CARM1: variants seen among roughly 807,000 people sequenced by gnomAD.
CARM1 encodes histone-arginine methyltransferase CARM1.
A neutral mutation model predicts 72.7 loss-of-function variants in CARM1; 14 were observed. The observed-to-expected ratio is 0.19, with a 90% CI of 0.13 to 0.30. CARM1 has a LOEUF of 0.30. Among genes scored for constraint, CARM1 ranks in the 10% least tolerant of loss-of-function variants. The probability of loss-of-function intolerance (pLI) is 1.00; values close to 1 mark genes in which losing one functional copy is unlikely to be tolerated. For missense variants in CARM1, 432 were observed against 833.7 expected, an observed-to-expected ratio of 0.52 and a Z score of 5.93; for synonymous variants, 333 against 345.5, an observed-to-expected ratio of 0.96 and a Z score of 0.40.
Position 10,908,150 on chromosome 19 carries a change from G to C in CARM1, c.453+5G>C, listed in dbSNP as rs781002018. On this transcript the variant is annotated splice_donor_5th_base_variant and intron_variant, in intron 3 of 15. Transcript: ENST00000327064. ...TCTGCCGTGCAGTACTTCCAGGTGG[G>C]TTGTACTCCCCCTCAGCCAGGCCGC... is the stretch of plus-strand genomic sequence containing the variant. 1.2e-6 allele frequency: 2 copies of C among 1,601,402 alleles called. No homozygotes were observed. The highest frequency in any genetic ancestry group is 2.2e-5 in the South Asian group (2 of 90,782).
In CARM1 at chr19:10,921,049, G is replaced by GCCGACCTCTCT; in HGVS notation, c.1538-1_1538insCCGACCTCTCT (p.Gly513AlafsTer12). ...CCTGACGTCTCCCTCTCTGGACACA[G>GCCGACCTCTCT]GGATGCCGACCGCCTATGACTTGAG... On this transcript the variant is annotated frameshift_variant and splice_region_variant. Transcript: ENST00000327064. LOFTEE classifies it high-confidence loss of function. 6.2e-7 allele frequency: 1 copy of GCCGACCTCTCT among 1,614,128 alleles called. No individual in the cohort carries two copies. Among genetic ancestry groups the GCCGACCTCTCT allele is most frequent in the Non-Finnish European group, 8.5e-7 (1 of 1,179,958 alleles).
At chr19:10,874,786 T>A (rs1424459220) in intron 1 of CARM1, among the ~76,000 whole-genome samples, 1 of 152,024 alleles carries the variant, frequency 6.6e-6, no homozygotes, top group Non-Finnish European at 1.5e-5. Context: ...CTTTGAGAGG[T>A]TGAGGCAGGC....
chr19:10,899,909 CG>C (rs971597577), intron 1 of CARM1, among the ~76,000 whole-genome samples: 1 of 151,954 alleles, frequency 6.6e-6, no homozygotes, highest in African/African-American at 2.4e-5. Context: ...TTAGTAAAGA[CG>C]GGGTTTTGCC....
In CARM1 at chr19:10,919,900, A is replaced by G; in HGVS notation, c.1130A>G (p.His377Arg). 6.2e-7 allele frequency: 1 copy of G among 1,614,092 alleles called. No individual in the cohort carries two copies. The highest frequency in any genetic ancestry group is 8.5e-7 in the Non-Finnish European group (1 of 1,179,938). ...AGGATAGAAATCCCATTCAAATTCC[A>G]CATGCTGCATTCAGGGCTGGTCCAC... Reference protein sequence around the residue: ...LHRIEIPFKFHMLHSGLVHGL... With the variant: ...LHRIEIPFKFRMLHSGLVHGL... The change falls in exon 10 of 16, where the codon CAC becomes CGC. Residue 377 changes from histidine to arginine, a missense_variant. His to Arg is a conservative substitution (Grantham distance 29). Transcript: ENST00000327064.
chr19:10,907,205 C>T (rs2074112391), intron 2 of CARM1, among the ~76,000 whole-genome samples: 1 of 151,816 alleles, frequency 6.6e-6, no homozygotes, highest in South Asian at 2.1e-4. Context: ...CCGTGCCCGG[C>T]TTATTATTTC....
Position 10,871,598 on chromosome 19 carries a change from G to GGCGGCGGCGGCGGCGGCT in CARM1, c.-88_-87insTGCGGCGGCGGCGGCGGC, listed in dbSNP as rs1555723411. 7.8e-4 allele frequency: 56 copies of GGCGGCGGCGGCGGCGGCT among 71,642 alleles called. 1 individual carries two copies. The highest frequency in any genetic ancestry group is 2.0e-3 in the South Asian group (5 of 2,510). The allele number at this position is 71,642 out of a possible 1,614,324, so 4.4% of individuals were successfully genotyped here. On this transcript the variant is annotated 5_prime_UTR_variant, in exon 1 of 16. Transcript: ENST00000327064. The surrounding 1 kb of genome is among the most constrained non-coding windows in gnomAD (Gnocchi z 5.6). ...CGGCGGCGGTAGCGGCAGCGGCGGC[G>GGCGGCGGCGGCGGCGGCT]GCGGCGGCGGCGGCGGCGGCGGCGG... is the stretch of plus-strand genomic sequence containing the variant.
At chr19:10,889,503 A>G (rs943476728) in intron 1 of CARM1, among the ~76,000 whole-genome samples, 68 of 83,242 alleles carry the variant, frequency 8.2e-4, no homozygotes, top group Admixed American at 2.0e-3. Context: ...TTTTTTTTGT[A>G]TTTTTAGTAG....
rs145916329 is a variant in CARM1 at position 10,888,400 on chromosome 19, C to A, written c.220+16478C>A. Among the ~76,000 whole-genome samples the A allele has an allele frequency of 1.9e-3, 291 of 152,294 alleles. 2 individuals carry two copies. The highest frequency in any genetic ancestry group is 6.6e-3 in the African/African-American group (275 of 41,556). ...AGCTGAGCCACCTGGAGACTGTCAT[C>A]GCTCTGTTGCTTGGTTTCCCCTCTT... is the stretch of plus-strand genomic sequence containing the variant. On this transcript the variant is annotated intron_variant, in intron 1 of 15. Transcript: ENST00000327064.
At chr19:10,872,249 C>T (rs1311960181) in intron 1 of CARM1, among the ~76,000 whole-genome samples, 2 of 82,916 alleles carry the variant, frequency 2.4e-5, no homozygotes, top group Non-Finnish European at 4.6e-5. Flanking sequence ...GGACGCCAGG[C>T]GTGGTGGGCT....
chr19:10,874,075 A>T (rs1342485419), intron 1 of CARM1, among the ~76,000 whole-genome samples: 1 of 152,176 alleles, frequency 6.6e-6, no homozygotes, highest in African/African-American at 2.4e-5. Flanking sequence ...ATTACTTGTT[A>T]TTAAGACAGC....
chr19:10,909,785 G>T (rs1018812362), intron 4 of CARM1, among the ~76,000 whole-genome samples: 1 of 152,036 alleles, frequency 6.6e-6, no homozygotes, highest in Non-Finnish European at 1.5e-5. Context: ...AAAAACAAAT[G>T]CATTTGATAT....
intron 1 of CARM1, among the ~76,000 whole-genome samples, chr19:10,886,218 G>A (rs1048193257): frequency 5.3e-5 from 8 of 151,834 alleles, no homozygotes; most frequent in Non-Finnish European, 1.0e-4. Context: ...CACCACGCCC[G>A]GCTAATTGTG....
At chr19:10,877,759 G>A (rs1290992251) in intron 1 of CARM1, among the ~76,000 whole-genome samples, 4 of 149,854 alleles carry the variant, frequency 2.7e-5, no homozygotes, top group East Asian at 4.0e-4. Context: ...ATGGAATCTC[G>A]CTCTGTTGCC....
chr19:10,885,720 T>G (rs1445216628), intron 1 of CARM1, among the ~76,000 whole-genome samples: 1 of 152,110 alleles, frequency 6.6e-6, no homozygotes, highest in African/African-American at 2.4e-5. Context: ...ATTTCCATCC[T>G]GTGCCCTTGA....
At chr19:10,909,336 C>A in intron 4 of CARM1, 129 bp downstream of exon 4, 1 of 606,650 alleles carries the variant, frequency 1.6e-6, no homozygotes, top group Non-Finnish European at 2.9e-6. Context: ...GAGGCTGAGG[C>A]AGGAGGATCG....
Position 10,885,010 on chromosome 19 carries a change from ATTTAT to A in CARM1, c.220+13093_220+13097del, listed in dbSNP as rs572042775. On this transcript the variant is annotated intron_variant, in intron 1 of 15. Transcript: ENST00000327064. ...CGTGAGCCATCATGCCTGGCCGCTT[ATTTAT>A]TTTAATTGTTGTTTAGTCAGTACAC... 2.2e-3 allele frequency among the ~76,000 whole-genome samples: 335 copies of A among 152,264 alleles called. 6 individuals carry two copies. In the South Asian group the frequency reaches 0.049, roughly 22 times the overall value.
intron 1 of CARM1, among the ~76,000 whole-genome samples, chr19:10,872,740 G>A (rs922611606): frequency 5.3e-5 from 8 of 151,704 alleles, no homozygotes; most frequent in Non-Finnish European, 8.8e-5. Flanking sequence ...CCCGCTCCCA[G>A]TCTTTGTAGT....
At position 10,915,630 on chromosome 19, in the gene CARM1, G is replaced by T. The variant is rs182923700; in HGVS notation, c.848-777G>T. 6.6e-6 allele frequency among the ~76,000 whole-genome samples: 1 copy of T among 152,108 alleles called. No individual in the cohort carries two copies. The highest frequency in any genetic ancestry group is 2.4e-5 in the African/African-American group (1 of 41,434). ...GCTGCAGCCCTGCAGCTCTCGCCTC[G>T]GGTACAGCCTGGTGGCGTAAGGAGG... On this transcript the variant is annotated intron_variant, in intron 6 of 15. Transcript: ENST00000327064. This position sits in a 1 kb window ranked among gnomAD's most constrained non-coding sequence, Gnocchi z 4.6.
In CARM1 at chr19:10,913,728, A is replaced by G. The variant is rs1374591634; in HGVS notation, c.670-149A>G. 6 of 766,576 alleles carry G rather than the reference A, an allele frequency of 7.8e-6. No individual in the cohort carries two copies. The Middle Eastern group carries it at 1.1e-3, about 147-fold the overall frequency. The allele number at this position is 766,576 out of a possible 1,614,324, so 47.5% of individuals were successfully genotyped here. On this transcript the variant is annotated intron_variant, in intron 5 of 15. Coordinates refer to ENST00000327064, the MANE Select transcript of CARM1 (RefSeq NM_199141.2). ...GTGAGCTCTTAACAGGCTATGGCCA[A>G]TCGCAGCCATGGTTGGGGCGCCAGC...
Sources: allele counts gnomAD v4.1 joint callset (sites outside exome capture counted in the v4.1 genomes callset), GRCh38; gene constraint gnomAD v4.1.1; non-coding constraint Gnocchi (gnomAD v3.1); transcripts MANE v1.5; gene names NCBI Gene and HGNC (gene_info 2026-07-23, HGNC 2026-07-21).